FAM161B: variants seen among roughly 807,000 people sequenced by gnomAD.
FAM161B encodes the protein protein FAM161B.
Under a neutral mutation model 61.5 loss-of-function variants are expected in FAM161B, and 46 were observed. That is an observed-to-expected ratio of 0.75 (90% CI 0.59 to 0.96). The LOEUF (loss-of-function observed/expected upper bound fraction) is 0.96, where lower values mean the gene tolerates loss of function less well. Among genes scored for constraint, FAM161B ranks in the 40% least tolerant of loss-of-function variants. FAM161B has a pLI of 0.00. For missense variants in FAM161B, 774 were observed against 800.7 expected (o/e 0.97, Z 0.40); for synonymous variants, 284 against 302.7 (o/e 0.94, Z 0.64).
intron 6 of FAM161B, 54 bp from the exon 7 acceptor site, chr14:73,937,755 C>T (rs1002024317): frequency 1.1e-5 from 18 of 1,586,942 alleles, no homozygotes; most frequent in Non-Finnish European, 1.5e-5. Flanking sequence ...TCCAGAATAC[C>T]CTTCATTTCC....
intron 5 of FAM161B, among the ~76,000 whole-genome samples, chr14:73,940,294 C>G (rs938790023): frequency 2.8e-4 from 43 of 152,248 alleles, no homozygotes; most frequent in African/African-American, 9.9e-4. Flanking sequence ...TGCTGCCCAA[C>G]AGACTCTGAC....
downstream of FAM161B, among the ~76,000 whole-genome samples, chr14:73,930,968 G>A (rs193094487): frequency 6.6e-6 from 1 of 152,252 alleles, no homozygotes; most frequent in East Asian, 1.9e-4. Context: ...ATAGAGCCTT[G>A]TGTATAGAGT....
In FAM161B at chr14:73,941,069, G is replaced by C. The variant is rs750585356; in HGVS notation, c.1273-16C>G. 6.2e-7 allele frequency: 1 copy of C among 1,601,212 alleles called. No homozygotes were observed. On this transcript the variant is annotated splice_polypyrimidine_tract_variant and intron_variant, in intron 4 of 8. Coordinates refer to ENST00000286544, the MANE Select transcript of FAM161B (RefSeq NM_152445.3). ...GTGGGGAATCCTAGAAGAAACAAAG[G>C]TTGGTATTGGTGGGACAGCATGTGT...
intron 2 of FAM161B, among the ~76,000 whole-genome samples, chr14:73,945,524 A>G (rs2056058939): frequency 1.3e-5 from 2 of 151,696 alleles, no homozygotes; most frequent in Non-Finnish European, 2.9e-5. Context: ...TCCACCTCCC[A>G]GATTCAAGCA....
Position 73,938,095 on chromosome 14 carries a change from T to G in FAM161B, c.1418A>C (p.Lys473Thr). Residue 473 changes from lysine to threonine, a missense_variant, in exon 6 of 9, where the codon AAG (lysine) becomes ACG (threonine). Coordinates refer to ENST00000286544, the MANE Select transcript of FAM161B (RefSeq NM_152445.3). Reference protein sequence around the residue: ...ESAVRSALEKKNKADESIQWL... With the variant: ...ESAVRSALEKTNKADESIQWL... Reference sequence around the variant, plus strand: ...CTGAATACTCTCATCTGCTTTGTTCTTTTTTTCAAGTGCACTTCTAAAGGA... The same window carrying G: ...CTGAATACTCTCATCTGCTTTGTTCGTTTTTTCAAGTGCACTTCTAAAGGA... The G allele has an allele frequency of 6.2e-7, 1 of 1,613,816 alleles. No homozygotes were observed. Among genetic ancestry groups the G allele is most frequent in the Non-Finnish European group, 8.5e-7 (1 of 1,179,862 alleles).
At chr14:73,942,769 G>T in intron 3 of FAM161B, 54 bp from the exon 4 acceptor site, 1 of 1,518,556 alleles carries the variant, frequency 6.6e-7, no homozygotes, top group South Asian at 1.2e-5. Flanking sequence ...AAACCTACAG[G>T]GTTGGAGAAC....
chr14:73,944,326 T>C lies in FAM161B; in HGVS notation c.925+9A>G. ...GCAGGAGGCAGCAAGGTGGCAAGGA[T>C]GTCTTTACCCTGGAGTTTATCCCCA... On this transcript the variant is annotated intron_variant, in intron 3 of 8. Transcript: ENST00000286544. 1 of 1,561,872 alleles carries C rather than the reference T, an allele frequency of 6.4e-7. No homozygotes were observed. The highest frequency in any genetic ancestry group is 8.7e-7 in the Non-Finnish European group (1 of 1,150,196).
In FAM161B at chr14:73,938,691, GA is replaced by G. The variant is rs1313701241; in HGVS notation, c.1401-580del. On this transcript the variant is annotated intron_variant, in intron 5 of 8. Coordinates refer to ENST00000286544, the MANE Select transcript of FAM161B (RefSeq NM_152445.3). ...GGAGGCTGAGGCAGGAGAATGGCAT[GA>G]ACCTGGGAGGCGGAGCTTGCAGTGA... Among the ~76,000 whole-genome samples the G allele has an allele frequency of 7.2e-4, 109 of 151,808 alleles. 1 individual carries two copies. Among genetic ancestry groups the G allele is most frequent in the African/African-American group, 2.5e-3 (105 of 41,368 alleles).
At chr14:73,941,429 A>G (rs2056018080) in intron 4 of FAM161B, among the ~76,000 whole-genome samples, 1 of 151,652 alleles carries the variant, frequency 6.6e-6, no homozygotes, top group Non-Finnish European at 1.5e-5. Flanking sequence ...GCCATTTTCT[A>G]TCTTTACTAG....
rs2056045025 is a variant in FAM161B at position 73,944,380 on chromosome 14, T to G, written c.880A>C (p.Ile294Leu). 2 of 1,603,230 alleles carry G rather than the reference T, an allele frequency of 1.2e-6. No individual in the cohort carries two copies. Among genetic ancestry groups the G allele is most frequent in the East Asian group, 4.5e-5 (2 of 44,520 alleles). ...GCTGGCTCCAGAATGGACTTGGGAA[T>G]CCTTCTGGTGGCCTTCTGCTTGGAG... Reference protein sequence around the residue: ...KISKQKATRRIPKSILEPALG... With the variant: ...KISKQKATRRLPKSILEPALG... The change falls in exon 3 of 9, where the codon ATT (isoleucine) becomes CTT (leucine). Residue 294 changes from isoleucine (I) to leucine (L), a missense_variant. Coordinates refer to ENST00000286544, the MANE Select transcript of FAM161B (RefSeq NM_152445.3).
chr14:73,946,678 C>G, intron 1 of FAM161B, 73 bp from the exon 2 acceptor site: 1 of 1,496,000 alleles, frequency 6.7e-7, no homozygotes, highest in Non-Finnish European at 9.0e-7. Context: ...CTTAATTTCG[C>G]TTTGAATAAG....
chr14:73,936,139 A>G (rs547014570), intron 7 of FAM161B, 51 bp from the exon 8 acceptor site: 1 of 1,529,598 alleles, frequency 6.5e-7, no homozygotes, highest in African/African-American at 1.4e-5. Flanking sequence ...TTACCAGACA[A>G]TTCTAAATTA....
chr14:73,935,883 T>A, intron 8 of FAM161B, 66 bp downstream of exon 8: 1 of 1,503,190 alleles, frequency 6.7e-7, no homozygotes, highest in Non-Finnish European at 9.0e-7. Flanking sequence ...TAAAGTTTCC[T>A]CCCAGTGGTA....
chr14:73,931,102 A>G (rs1349435716), downstream of FAM161B, among the ~76,000 whole-genome samples: 1 of 152,142 alleles, frequency 6.6e-6, no homozygotes, highest in Admixed American at 6.5e-5. Flanking sequence ...ATAAAGGAAC[A>G]GCTCCTCTTC....
intron 7 of FAM161B, 130 bp from the exon 8 acceptor site, chr14:73,936,218 A>G: frequency 9.2e-7 from 1 of 1,082,726 alleles, no homozygotes; most frequent in Non-Finnish European, 1.3e-6. Context: ...GATTTGCAAG[A>G]AAATTATTTA....
chr14:73,923,015 A>G, the FAM161B span, among the ~76,000 whole-genome samples: 1 of 152,126 alleles, frequency 6.6e-6, no homozygotes, highest in Non-Finnish European at 1.5e-5. Context: ...GTGAGACCCT[A>G]TGTTTTTGTT....
intron 7 of FAM161B, 64 bp downstream of exon 7, chr14:73,937,536 GTT>G (rs986978589): frequency 3.3e-5 from 48 of 1,472,852 alleles, no homozygotes; most frequent in Middle Eastern, 3.5e-4. Context: ...TATTAAAATT[GTT>G]TTGTAATTTT....
At chr14:73,935,429 G>A (rs1594774852) in intron 8 of FAM161B, among the ~76,000 whole-genome samples, 1 of 152,024 alleles carries the variant, frequency 6.6e-6, no homozygotes, top group African/African-American at 2.4e-5. Flanking sequence ...TCGGGAGGCT[G>A]AGGCAGGAGA....
intron 5 of FAM161B, 31 bp from the exon 6 acceptor site, chr14:73,938,143 A>G (rs2055986778): frequency 6.2e-7 from 1 of 1,611,390 alleles, no homozygotes. Flanking sequence ...AAGAGTATAG[A>G]TTACCAACCT....
Sources: allele counts gnomAD v4.1 joint callset (sites outside exome capture counted in the v4.1 genomes callset), GRCh38; gene constraint gnomAD v4.1.1; transcripts MANE v1.5; gene names NCBI Gene and HGNC (gene_info 2026-07-23, HGNC 2026-07-21).